ADAMTS3: variants seen among roughly 807,000 people sequenced by gnomAD.
ADAMTS3 encodes ADAM metallopeptidase with thrombospondin type 1 motif 3, also known as A disintegrin and metalloproteinase with thrombospondin motifs 3.
In ADAMTS3, 73 loss-of-function variants were observed where a neutral mutation model predicts 129.0. That is an observed-to-expected ratio of 0.57 (90% confidence interval 0.47 to 0.69). ADAMTS3 has a LOEUF of 0.69. Among genes scored for constraint, ADAMTS3 ranks in the 30% least tolerant of loss-of-function variants. ADAMTS3 has a pLI of 0.00. For missense variants in ADAMTS3, 1,457 were observed against 1,514.5 expected, an observed-to-expected ratio of 0.96 and a Z score of 0.63; for synonymous variants, 477 against 510.8, an observed-to-expected ratio of 0.93 and a Z score of 0.89.
intron 4 of ADAMTS3, among the ~76,000 whole-genome samples, chr4:72,340,919 C>T (rs1003008737): frequency 7.2e-5 from 11 of 152,100 alleles, no homozygotes; most frequent in Non-Finnish European, 1.2e-4. Context: ...TATAAGCTGC[C>T]TTGATGTCTA....
intron 3 of ADAMTS3, among the ~76,000 whole-genome samples, chr4:72,452,560 C>T (rs1718434466): frequency 1.3e-5 from 2 of 151,638 alleles, no homozygotes; most frequent in South Asian, 4.2e-4. Context: ...CAAGGTCGAC[C>T]CTTCTTTTGA....
chr4:72,399,630 AC>A (rs2109904515), intron 4 of ADAMTS3, among the ~76,000 whole-genome samples: 1 of 151,768 alleles, frequency 6.6e-6, no homozygotes, highest in African/African-American at 2.4e-5. Flanking sequence ...TTCTTGGGAG[AC>A]TCAAATGAAA....
intron 5 of ADAMTS3, among the ~76,000 whole-genome samples, chr4:72,325,113 T>C (rs1719666894): frequency 6.6e-6 from 1 of 151,794 alleles, no homozygotes; most frequent in Non-Finnish European, 1.5e-5. Context: ...GTATGAGAAA[T>C]GGAAAAGAAA....
intron 3 of ADAMTS3, among the ~76,000 whole-genome samples, chr4:72,474,244 A>G (rs1306373749): frequency 6.6e-6 from 1 of 152,258 alleles, no homozygotes; most frequent in Non-Finnish European, 1.5e-5. Flanking sequence ...CACTAAGATG[A>G]CAGATGTTAA....
At chr4:72,382,524 G>A (rs967445370) in intron 4 of ADAMTS3, among the ~76,000 whole-genome samples, 14 of 152,104 alleles carry the variant, frequency 9.2e-5, no homozygotes, top group Middle Eastern at 3.4e-3. Context: ...CAGCAATCTC[G>A]CTACTGGGTA....
chr4:72,319,120 G>T lies in ADAMTS3; in HGVS notation c.1352+212C>A, dbSNP rs951655558. On this transcript the variant is annotated intron_variant, in intron 9 of 21. Coordinates refer to ENST00000286657, the MANE Select transcript of ADAMTS3 (RefSeq NM_014243.3). ...TTTACTAAAGGAAAATTACATTACA[G>T]TTAAAAGTTTACTTATATTCTAGAC... is the stretch of plus-strand genomic sequence containing the variant. 2.6e-5 allele frequency among the ~76,000 whole-genome samples: 4 copies of T among 152,086 alleles called. No individual in the cohort carries two copies. In the East Asian group the frequency reaches 7.7e-4, roughly 29 times the overall value.
intron 3 of ADAMTS3, among the ~76,000 whole-genome samples, chr4:72,535,563 A>G (rs1721165666): frequency 6.6e-6 from 1 of 152,170 alleles, no homozygotes; most frequent in Non-Finnish European, 1.5e-5. Flanking sequence ...TTTATCAGCT[A>G]GTCAGAACCC....
chr4:72,296,154 G>A (rs1017739061), intron 18 of ADAMTS3, among the ~76,000 whole-genome samples: 1 of 151,972 alleles, frequency 6.6e-6, no homozygotes, highest in African/African-American at 2.4e-5. Context: ...AACACAGAGG[G>A]AAGAGATCTG....
At chr4:72,542,240 C>G (rs1236293735) in intron 3 of ADAMTS3, among the ~76,000 whole-genome samples, 1 of 152,184 alleles carries the variant, frequency 6.6e-6, no homozygotes, top group East Asian at 1.9e-4. Flanking sequence ...TCTCAGCTCA[C>G]TGCAAGCTCC....
At chr4:72,389,744 G>T (rs975091344) in intron 4 of ADAMTS3, among the ~76,000 whole-genome samples, 1 of 152,082 alleles carries the variant, frequency 6.6e-6, no homozygotes, top group Non-Finnish European at 1.5e-5. Flanking sequence ...TAAAGATAAT[G>T]GGTACCATAA....
intron 3 of ADAMTS3, among the ~76,000 whole-genome samples, chr4:72,460,099 C>A (rs1718722083): frequency 6.6e-6 from 1 of 151,372 alleles, no homozygotes; most frequent in South Asian, 2.1e-4. Flanking sequence ...GAAAGAGAAC[C>A]AGGAAACGAA....
At chr4:72,540,634 C>A (rs939908740) in intron 3 of ADAMTS3, among the ~76,000 whole-genome samples, 21 of 152,146 alleles carry the variant, frequency 1.4e-4, no homozygotes, top group Non-Finnish European at 1.5e-4. Context: ...ATTTCATGGG[C>A]CAGGCCCAGC....
intron 1 of ADAMTS3, among the ~76,000 whole-genome samples, chr4:72,568,380 G>A (rs919252307): frequency 6.6e-6 from 1 of 152,172 alleles, no homozygotes; most frequent in Non-Finnish European, 1.5e-5. Flanking sequence ...GGGAAGCCCA[G>A]ATGGCCCGGC....
intron 3 of ADAMTS3, among the ~76,000 whole-genome samples, chr4:72,493,948 T>A (rs547013386): frequency 6.6e-6 from 1 of 152,166 alleles, no homozygotes; most frequent in Non-Finnish European, 1.5e-5. Flanking sequence ...GTCAGTCTTA[T>A]AGAGGTCACC....
intron 3 of ADAMTS3, among the ~76,000 whole-genome samples, chr4:72,475,577 T>C (rs192415417): frequency 6.6e-6 from 1 of 152,068 alleles, no homozygotes; most frequent in Admixed American, 6.5e-5. Context: ...GTCTTTAACA[T>C]GACCTTTGGA....
At chr4:72,530,669 T>C (rs1320475386) in intron 3 of ADAMTS3, among the ~76,000 whole-genome samples, 1 of 74,720 alleles carries the variant, frequency 1.3e-5, no homozygotes, top group African/African-American at 5.0e-5. Context: ...TATTATATAA[T>C]ATATAATATG....
At chr4:72,550,193 A>G (rs1405038876) in intron 2 of ADAMTS3, among the ~76,000 whole-genome samples, 4 of 151,704 alleles carry the variant, frequency 2.6e-5, no homozygotes, top group East Asian at 1.9e-4. Flanking sequence ...CGCTAATCCT[A>G]TAGTGTGTTA....
At chr4:72,390,229 T>A (rs1721555406) in intron 4 of ADAMTS3, among the ~76,000 whole-genome samples, 1 of 152,150 alleles carries the variant, frequency 6.6e-6, no homozygotes, top group East Asian at 1.9e-4. Flanking sequence ...GGCATAAGAA[T>A]CACATTACAA....
chr4:72,371,530 T>C (rs1721008173), intron 4 of ADAMTS3, among the ~76,000 whole-genome samples: 2 of 151,476 alleles, frequency 1.3e-5, no homozygotes, highest in South Asian at 4.2e-4. Context: ...GTGAGAAGCA[T>C]TACTAAAAAC....
Sources: gnomAD v4.1 joint callset for allele counts (sites outside exome capture counted in the v4.1 genomes callset) on GRCh38, gnomAD v4.1.1 for gene constraint, MANE v1.5 for transcripts, NCBI Gene and HGNC (gene_info 2026-07-23, HGNC 2026-07-21) for gene names.